RARRES1: variants seen among roughly 807,000 people sequenced by gnomAD.
The protein encoded by RARRES1 is retinoic acid receptor responder 1.
RARRES1 carries 34 observed loss-of-function variants against 30.6 expected under a neutral mutation model. The ratio of observed to expected loss-of-function variants is 1.11; its 90% CI spans 0.84 to 1.48. RARRES1 has a LOEUF of 1.48. RARRES1 is among the 40% of genes most tolerant of loss of function. RARRES1 has a pLI of 0.00. For synonymous variants in RARRES1, 153 were observed against 155.5 expected (o/e 0.98, Z 0.12); for missense variants, 373 against 386.5 (o/e 0.97, Z 0.29).
At chr3:158,714,595 G>A (rs1727258261) in intron 1 of RARRES1, among the ~76,000 whole-genome samples, 1 of 152,250 alleles carries the variant, frequency 6.6e-6, no homozygotes, top group African/African-American at 2.4e-5. Flanking sequence ...TTAAACTTCA[G>A]AAATGTTAAT....
chr3:158,711,037 G>T, intron 2 of RARRES1, 104 bp from the exon 3 acceptor site: 1 of 942,428 alleles, frequency 1.1e-6, no homozygotes, highest in Non-Finnish European at 1.6e-6. Context: ...GCAGGCTCTG[G>T]CATCAATAGA....
intron 4 of RARRES1, among the ~76,000 whole-genome samples, chr3:158,699,598 A>G (rs1726659652): frequency 1.3e-5 from 2 of 151,716 alleles, no homozygotes; most frequent in Non-Finnish European, 1.5e-5. Context: ...GAAGACTGCC[A>G]TGATTTCCTT....
intron 1 of RARRES1, among the ~76,000 whole-genome samples, chr3:158,725,790 C>T (rs1182746894): frequency 6.6e-6 from 1 of 152,190 alleles, no homozygotes; most frequent in Non-Finnish European, 1.5e-5. Flanking sequence ...CTTTCTCACC[C>T]CATGCTAGAC....
intron 1 of RARRES1, among the ~76,000 whole-genome samples, chr3:158,724,781 A>G (rs1727629943): frequency 6.6e-6 from 1 of 152,006 alleles, no homozygotes; most frequent in Non-Finnish European, 1.5e-5. Flanking sequence ...TGGGATGACC[A>G]CGGATCACAT....
At position 158,697,841 on chromosome 3, in the gene RARRES1, T is replaced by C. The variant is rs187183342; in HGVS notation, c.736-14A>G. 4,860 of 1,599,876 alleles carry C rather than the reference T, an allele frequency of 3.0e-3. 49 individuals are homozygous for C. The highest frequency in any genetic ancestry group is 2.1e-3 in the Non-Finnish European group (2,445 of 1,169,674). On this transcript the variant is annotated splice_polypyrimidine_tract_variant and intron_variant, in intron 5 of 5. Transcript: ENST00000237696. The stretch of plus-strand genomic sequence containing the variant: ...GGGAATTATTTCCTAGGAAATAGAG[T>C]TATAAAATATTATAATCTGCAAAAA...
intron 4 of RARRES1, among the ~76,000 whole-genome samples, chr3:158,702,497 G>T (rs1290196286): frequency 6.6e-6 from 1 of 152,176 alleles, no homozygotes; most frequent in African/African-American, 2.4e-5. Flanking sequence ...TGTCCTAGTG[G>T]TAAAAATGTG....
At chr3:158,717,803 C>T (rs2108145729) in intron 1 of RARRES1, among the ~76,000 whole-genome samples, 1 of 152,144 alleles carries the variant, frequency 6.6e-6, no homozygotes, top group South Asian at 2.1e-4. Context: ...TGGAGAGAAG[C>T]ATATGGTGGA....
intron 1 of RARRES1, among the ~76,000 whole-genome samples, chr3:158,715,902 C>T (rs1048002538): frequency 6.6e-6 from 1 of 152,172 alleles, no homozygotes; most frequent in Non-Finnish European, 1.5e-5. Context: ...AGGGCTGTGG[C>T]TTGCTGCCTC....
chr3:158,729,293 C>T (rs765032151), intron 1 of RARRES1, among the ~76,000 whole-genome samples: 5 of 151,010 alleles, frequency 3.3e-5, no homozygotes, highest in Non-Finnish European at 5.9e-5. Context: ...GCCCCTGCAT[C>T]CTCACTGGAG....
At chr3:158,713,956 G>C in intron 1 of RARRES1, 97 bp from the exon 2 acceptor site, 1 of 1,113,994 alleles carries the variant, frequency 9.0e-7, no homozygotes, top group Non-Finnish European at 1.3e-6. Flanking sequence ...CATGCAAATG[G>C]TGGCTGTAGC....
At position 158,732,261 on chromosome 3, in the gene RARRES1, G is replaced by C; in HGVS notation, c.155C>G (p.Ala52Gly). 7.3e-6 allele frequency: 10 copies of C among 1,365,496 alleles called. No individual in the cohort carries two copies. The South Asian group carries it at 1.4e-4, about 20-fold the overall frequency. The allele number at this position is 1,365,496 out of a possible 1,614,324, so 84.6% of individuals were successfully genotyped here. Residue 52 changes from alanine to glycine, a missense_variant, in exon 1 of 6, where the codon GCT (alanine) becomes GGT (glycine). Transcript: ENST00000237696. Reference sequence around the variant, plus strand: ...CTGCAGGAGCCTGCGCGGGACCCCAGCATCCTGAGGCTGCCCAGGGTCGTC... The same window carrying C: ...CTGCAGGAGCCTGCGCGGGACCCCACCATCCTGAGGCTGCCCAGGGTCGTC... ...DPDDPGQPQD[A>G]GVPRRLLQQA...
At chr3:158,729,153 A>G (rs1217029425) in intron 1 of RARRES1, among the ~76,000 whole-genome samples, 1 of 152,126 alleles carries the variant, frequency 6.6e-6, no homozygotes, top group Admixed American at 6.5e-5. Flanking sequence ...CATTGTTGGC[A>G]GAACATGAAT....
At chr3:158,705,867 T>A (rs1298357430) in intron 3 of RARRES1, among the ~76,000 whole-genome samples, 1 of 152,212 alleles carries the variant, frequency 6.6e-6, no homozygotes, top group Non-Finnish European at 1.5e-5. Context: ...TTGGCAAACA[T>A]CTTTCTTAAA....
chr3:158,707,555 C>G (rs141977940), intron 3 of RARRES1, among the ~76,000 whole-genome samples: 1 of 151,998 alleles, frequency 6.6e-6, no homozygotes, highest in East Asian at 1.9e-4. Context: ...GAAGATGTAG[C>G]GACTTTGTGA....
intron 1 of RARRES1, among the ~76,000 whole-genome samples, chr3:158,728,006 CAA>C (rs998584374): frequency 5.3e-5 from 8 of 152,280 alleles, no homozygotes; most frequent in African/African-American, 1.7e-4. Flanking sequence ...CTCACAGAAT[CAA>C]AGAATTTCAG....
chr3:158,704,035 T>C (rs12488447), intron 4 of RARRES1, among the ~76,000 whole-genome samples: 24,051 of 151,810 alleles, frequency 0.16, 1,983 homozygotes, highest in South Asian at 0.22. Flanking sequence ...ACTGTGTCCT[T>C]CTAGTTAATC....
At position 158,723,164 on chromosome 3, in the gene RARRES1, CAGTG is replaced by C. The variant is rs1727571639; in HGVS notation, c.276+8972_276+8975del. Among the ~76,000 whole-genome samples the C allele has an allele frequency of 5.3e-5, 8 of 152,128 alleles. No homozygotes were observed. Among genetic ancestry groups the C allele is most frequent in the Admixed American group, 4.6e-4 (7 of 15,272 alleles). ...CGTTAATTTCCTGTTCTCAGGCTGG[CAGTG>C]GGTGGGTGGGGACGAGCTCACAGGT... On this transcript the variant is annotated intron_variant, in intron 1 of 5. Transcript: ENST00000237696. The surrounding 1 kb of genome is among the most constrained non-coding windows in gnomAD (Gnocchi z 4.4).
chr3:158,701,862 ATCCGTTTGTGAG>A (rs1435360510), intron 4 of RARRES1, among the ~76,000 whole-genome samples: 1 of 152,032 alleles, frequency 6.6e-6, no homozygotes, highest in Non-Finnish European at 1.5e-5. Context: ...TTTAACTTCA[ATCCGTTTGTGAG>A]TCCTCATTTA....
At chr3:158,729,843 T>C (rs962381004) in intron 1 of RARRES1, among the ~76,000 whole-genome samples, 4 of 152,184 alleles carry the variant, frequency 2.6e-5, no homozygotes, top group African/African-American at 9.6e-5. Context: ...AGCTTGGTTT[T>C]CTGCAGGGAA....
Sources: gnomAD v4.1 joint callset for allele counts (sites outside exome capture counted in the v4.1 genomes callset) on GRCh38, gnomAD v4.1.1 for gene constraint, Gnocchi (gnomAD v3.1) non-coding constraint, MANE v1.5 for transcripts, NCBI Gene and HGNC (gene_info 2026-07-23, HGNC 2026-07-21) for gene names.